WDSUB1: variants seen among roughly 807,000 people sequenced by gnomAD.
WDSUB1 encodes WD repeat, sterile alpha motif and U-box domain containing 1.
Under a neutral mutation model 53.9 loss-of-function variants are expected in WDSUB1, and 49 were observed. The ratio of observed to expected loss-of-function variants is 0.91; its 90% confidence interval spans 0.72 to 1.15. The LOEUF (loss-of-function observed/expected upper bound fraction) is 1.15, where lower values mean the gene tolerates loss of function less well. Ranked by LOEUF, WDSUB1 falls within the 50% of genes most tolerant of loss-of-function variation. The probability of loss-of-function intolerance (pLI) is 0.00; values close to 1 mark genes in which losing one functional copy is unlikely to be tolerated. For missense variants in WDSUB1, 514 were observed against 562.0 expected (o/e 0.91, Z 0.86); for synonymous variants, 194 against 200.6 (o/e 0.97, Z 0.28).
chr2:159,279,864 A>G lies in WDSUB1; in HGVS notation c.480T>C (p.Cys160=), dbSNP rs1352854765. The change falls in exon 3 of 11, where the codon TGT becomes TGC. Residue 160 remains cysteine, a synonymous_variant. Coordinates refer to ENST00000359774, the MANE Select transcript of WDSUB1 (RefSeq NM_001128212.3). ...TATCATCCCACACTGTTAAATCACCACATGAGGAGCCAGTGACAAAGAAGC... is the reference window on the plus strand; with the variant it reads ...TATCATCCCACACTGTTAAATCACCGCATGAGGAGCCAGTGACAAAGAAGC... ...NGSFFVTGSS[C]GDLTVWDDKM... 6.2e-7 allele frequency: 1 copy of G among 1,612,840 alleles called. No homozygotes were observed. Among genetic ancestry groups the G allele is most frequent in the Admixed American group, 1.7e-5 (1 of 60,016 alleles).
In WDSUB1 at chr2:159,260,331, A is replaced by C. The variant is rs115368027; in HGVS notation, c.771-488T>G. Among the ~76,000 whole-genome samples, 436 of 151,686 alleles carry C rather than the reference A, an allele frequency of 2.9e-3. 1 individual carries two copies. The highest frequency in any genetic ancestry group is 9.8e-3 in the African/African-American group (406 of 41,422). On this transcript the variant is annotated intron_variant, in intron 5 of 10. Transcript: ENST00000359774. ...AAAAAAACAACATGCCATATATAAAATTTAGAAAATTATAAGCTTTATTAA... is the reference window on the plus strand; with the variant it reads ...AAAAAAACAACATGCCATATATAAACTTTAGAAAATTATAAGCTTTATTAA...
Position 159,275,611 on chromosome 2 carries a change from C to T in WDSUB1, c.611G>A (p.Arg204Gln), listed in dbSNP as rs114877347. 7.2e-4 allele frequency: 1,161 copies of T among 1,602,668 alleles called. No homozygotes were observed. Among genetic ancestry groups the T allele is most frequent in the Non-Finnish European group, 7.2e-4 (847 of 1,176,588 alleles). The stretch of plus-strand genomic sequence containing the variant: ...GCAATCCTGACCACATGATGCCAGT[C>T]GAAAAAACTGAAGACCTTGTTCTCC... ...SDGEQGLQFF[R>Q]LASCGQDCQV... The change falls in exon 4 of 11, where the codon CGA (arginine) becomes CAA (glutamine). Residue 204 changes from arginine (R) to glutamine (Q), a missense_variant. Transcript: ENST00000359774.
At chr2:159,250,088 CAAAA>C (rs374038625) in intron 9 of WDSUB1, among the ~76,000 whole-genome samples, 9 of 83,536 alleles carry the variant, frequency 1.1e-4, no homozygotes, top group South Asian at 4.5e-4. Flanking sequence ...GACTCTGCCT[CAAAA>C]AAAAAAAAAA....
chr2:159,236,187 C>T lies in WDSUB1; in HGVS notation c.1277G>A (p.Gly426Asp), dbSNP rs765842858. ...LMKDPVIASD[G>D]YSYEKEAMEN... Reference sequence around the variant, plus strand: ...CATTGCTTCCTTTTCATATGAATAGCCATCTAAAAAAAAAAAATCACACAA... The same window carrying T: ...CATTGCTTCCTTTTCATATGAATAGTCATCTAAAAAAAAAAAATCACACAA... The change falls in exon 11 of 11, where the codon GGC becomes GAC. Residue 426 changes from glycine to aspartate, a missense_variant. Physicochemically the swap from Gly to Asp is moderately conservative, Grantham distance 94. Coordinates refer to ENST00000359774, the MANE Select transcript of WDSUB1 (RefSeq NM_001128212.3). 3 of 1,592,496 alleles carry T rather than the reference C, an allele frequency of 1.9e-6. No homozygotes were observed. The highest frequency in any genetic ancestry group is 2.3e-5 in the South Asian group (2 of 86,158).
intron 2 of WDSUB1, among the ~76,000 whole-genome samples, chr2:159,282,197 A>AT (rs535503641): frequency 6.3e-4 from 85 of 135,092 alleles, no homozygotes; most frequent in East Asian, 2.8e-3. Context: ...GTTAAAAAAA[A>AT]TTTTTTTTTT....
chr2:159,269,058 T>C (rs2061398366), intron 5 of WDSUB1, among the ~76,000 whole-genome samples: 1 of 152,130 alleles, frequency 6.6e-6, no homozygotes, highest in Non-Finnish European at 1.5e-5. Flanking sequence ...GTAATGTGCC[T>C]TTAATTGGAA....
At chr2:159,266,338 G>A (rs959662795) in intron 5 of WDSUB1, among the ~76,000 whole-genome samples, 6 of 152,118 alleles carry the variant, frequency 3.9e-5, no homozygotes, top group Non-Finnish European at 5.9e-5. Context: ...ACAGGCACCC[G>A]CCACAACGCC....
At chr2:159,245,432 CTG>C (rs780315142) in intron 10 of WDSUB1, among the ~76,000 whole-genome samples, 13 of 151,608 alleles carry the variant, frequency 8.6e-5, no homozygotes, top group Non-Finnish European at 1.9e-4. Context: ...ACTTGGGAGG[CTG>C]AGGCATGAGA....
intron 4 of WDSUB1, among the ~76,000 whole-genome samples, chr2:159,273,023 T>C (rs1241209427): frequency 6.6e-6 from 1 of 152,184 alleles, no homozygotes; most frequent in Non-Finnish European, 1.5e-5. Context: ...AAAACCTTTT[T>C]TGAAGTGTTA....
At chr2:159,251,019 T>C (rs550853746) in intron 9 of WDSUB1, among the ~76,000 whole-genome samples, 1 of 152,028 alleles carries the variant, frequency 6.6e-6, no homozygotes, top group African/African-American at 2.4e-5. Context: ...ATCTCAGCAC[T>C]TGAGAGGCCA....
At chr2:159,267,492 A>C (rs576692764) in intron 5 of WDSUB1, among the ~76,000 whole-genome samples, 1 of 151,692 alleles carries the variant, frequency 6.6e-6, no homozygotes, top group Non-Finnish European at 1.5e-5. Flanking sequence ...TTTTGTAGGG[A>C]CTGGGTCTCA....
intron 9 of WDSUB1, among the ~76,000 whole-genome samples, chr2:159,250,088 C>CAAAAAAAAAAAAAAAAAAA (rs374038625): frequency 2.4e-5 from 2 of 83,528 alleles, no homozygotes; most frequent in African/African-American, 7.1e-5. Context: ...GACTCTGCCT[C>CAAAAAAAAAAAAAAAAAAA]AAAAAAAAAA....
intron 3 of WDSUB1, among the ~76,000 whole-genome samples, chr2:159,278,511 T>C (rs1164117127): frequency 6.6e-6 from 1 of 152,116 alleles, no homozygotes; most frequent in Non-Finnish European, 1.5e-5. Context: ...TACTTAGTAC[T>C]GTAACAGAAA....
intron 5 of WDSUB1, among the ~76,000 whole-genome samples, chr2:159,263,803 T>C (rs2061276984): frequency 1.3e-5 from 2 of 152,218 alleles, no homozygotes; most frequent in African/African-American, 4.8e-5. Flanking sequence ...ATACGTTATA[T>C]AATTGGTGTT....
chr2:159,249,614 G>A (rs760365847), intron 9 of WDSUB1, among the ~76,000 whole-genome samples: 10 of 152,218 alleles, frequency 6.6e-5, no homozygotes, highest in East Asian at 5.8e-4. Flanking sequence ...GAGATAGTGC[G>A]TCCCTCCCTG....
At chr2:159,275,013 AAG>A (rs2061511437) in intron 4 of WDSUB1, among the ~76,000 whole-genome samples, 1 of 152,182 alleles carries the variant, frequency 6.6e-6, no homozygotes, top group African/African-American at 2.4e-5. Context: ...AGTACAAGAA[AAG>A]AGAGAGAAAT....
intron 10 of WDSUB1, among the ~76,000 whole-genome samples, chr2:159,242,814 G>A (rs73967271): frequency 0.033 from 4,941 of 147,878 alleles, 934 homozygotes; most frequent in African/African-American, 0.12. Flanking sequence ...CACTAAGCCC[G>A]TATTACTTTC....
In WDSUB1 at chr2:159,252,747, C is replaced by A. The variant is rs10490002; in HGVS notation, c.1132+3449G>T. ...AACCGAAACATGAAACTTTCAAAAC[C>A]CGAGGATACTAAGACAGGTGATGTA... On this transcript the variant is annotated intron_variant, in intron 9 of 10. Coordinates refer to ENST00000359774, the MANE Select transcript of WDSUB1 (RefSeq NM_001128212.3). 2.0e-5 allele frequency among the ~76,000 whole-genome samples: 3 copies of A among 152,072 alleles called. No individual in the cohort carries two copies. In the East Asian group the frequency reaches 5.8e-4, roughly 29 times the overall value.
rs1488799416 is a variant in WDSUB1 at position 159,256,342 on chromosome 2, G to A, written c.986C>T (p.Thr329Ile). Reference protein sequence around the residue: ...RRTEHQLKQFTEDWSEEDVST... With the variant: ...RRTEHQLKQFIEDWSEEDVST... ...GACATCCTCCTCTGACCAATCTTCG[G>A]TAAATTGCTTCAGCTGATGTTCTGT... Residue 329 changes from threonine to isoleucine, a missense_variant, in exon 9 of 11, where the codon ACC (threonine) becomes ATC (isoleucine). Thr to Ile is a moderately conservative substitution (Grantham distance 89). Coordinates refer to ENST00000359774, the MANE Select transcript of WDSUB1 (RefSeq NM_001128212.3). 8.1e-6 allele frequency: 13 copies of A among 1,611,032 alleles called. No homozygotes were observed. The highest frequency in any genetic ancestry group is 1.0e-5 in the Non-Finnish European group (12 of 1,179,070).
Sources: gnomAD v4.1 joint callset for allele counts (sites outside exome capture counted in the v4.1 genomes callset) on GRCh38, gnomAD v4.1.1 for gene constraint, MANE v1.5 for transcripts, NCBI Gene and HGNC (gene_info 2026-07-23, HGNC 2026-07-21) for gene names.